The following LINGO3 variants were observed in gnomAD, a reference collection of about 807,000 sequenced individuals.
LINGO3 encodes the protein leucine rich repeat and Ig domain containing 3.
For synonymous variants in LINGO3, 427 were observed against 444.2 expected, an observed-to-expected ratio of 0.96 and a Z score of 0.49; for missense variants, 750 against 867.7, an observed-to-expected ratio of 0.86 and a Z score of 1.70.
At chr19:2,307,064 C>T in the LINGO3 span, among the ~76,000 whole-genome samples, 1 of 152,126 alleles carries the variant, frequency 6.6e-6, no homozygotes, top group African/African-American at 2.4e-5. Context: ...TCCTGGGTTG[C>T]TCTGGTTCTC....
the LINGO3 span, among the ~76,000 whole-genome samples, chr19:2,298,536 ATT>A: frequency 0.67 from 76,275 of 113,866 alleles, 25,774 homozygotes; most frequent in Non-Finnish European, 0.76. Context: ...TGGGCCAATA[ATT>A]TTTTTTTTTT....
chr19:2,290,967 C>T lies in LINGO3; in HGVS notation c.810G>A (p.Ala270=). Residue 270 remains alanine (A), a synonymous_variant, in exon 1 of 1, where the codon GCG becomes GCA. Transcript: ENST00000585527. This position sits in a 1 kb window ranked among gnomAD's most constrained non-coding sequence, Gnocchi z 6.0. ...GCGACAGATTGAGGCAGGTGAGGTG[C>T]GCCTGGTGCCGCAGCGCGGCGGCCG... 6.2e-7 allele frequency: 1 copy of T among 1,611,842 alleles called. No individual in the cohort carries two copies. The highest frequency in any genetic ancestry group is 8.5e-7 in the Non-Finnish European group (1 of 1,179,520).
downstream of LINGO3, among the ~76,000 whole-genome samples, chr19:2,288,607 G>A (rs1200513304): frequency 6.6e-6 from 1 of 152,202 alleles, no homozygotes; most frequent in African/African-American, 2.4e-5. This position sits in a 1 kb window ranked among gnomAD's most constrained non-coding sequence, Gnocchi z 6.5. Flanking sequence ...GGAAGCACGT[G>A]GCAGCGGAGG....
rs541131989 is a variant in LINGO3, at chr19:2,290,588, C to T, written c.1189G>A (p.Val397Met). 3 of 1,579,318 alleles carry T rather than the reference C, an allele frequency of 1.9e-6. No individual in the cohort carries two copies. The highest frequency in any genetic ancestry group is 1.8e-5 in the Admixed American group (1 of 56,338). ...CGGCACACGAAGTACTCGAACAGCA[C>T]GGAGTCCGGCAGGTTTCGCAGCGCG... Residue 397 changes from valine to methionine, a missense_variant, in exon 1 of 1, where the codon GTG (valine) becomes ATG (methionine). Coordinates refer to ENST00000585527, the Ensembl canonical transcript of LINGO3. This position sits in a 1 kb window ranked among gnomAD's most constrained non-coding sequence, Gnocchi z 6.0.
At chr19:2,295,965 C>T (rs544473670), upstream of LINGO3, among the ~76,000 whole-genome samples, 67 of 151,800 alleles carry the variant, frequency 4.4e-4, no homozygotes, top group African/African-American at 1.5e-3. Flanking sequence ...AGCTTGGGAA[C>T]ATAGGAAACT....
chr19:2,295,094 G>A (rs1026943968), upstream of LINGO3, among the ~76,000 whole-genome samples: 5 of 151,992 alleles, frequency 3.3e-5, no homozygotes, highest in East Asian at 7.7e-4. Context: ...GAACAGACGC[G>A]GAGCCCCGGG....
At chr19:2,294,159 A>C (rs1357289074), upstream of LINGO3, among the ~76,000 whole-genome samples, 1 of 152,202 alleles carries the variant, frequency 6.6e-6, no homozygotes, top group Non-Finnish European at 1.5e-5. The surrounding 1 kb of genome is among the most constrained non-coding windows in gnomAD (Gnocchi z 4.3). Context: ...ATGAGACTGC[A>C]GTGGATTACA....
chr19:2,303,503 G>C, the LINGO3 span, among the ~76,000 whole-genome samples: 26 of 152,076 alleles, frequency 1.7e-4, no homozygotes, highest in African/African-American at 5.8e-4. Flanking sequence ...CTGCGCTTGC[G>C]GGGGTGGGAG....
At chr19:2,305,000 C>T in the LINGO3 span, among the ~76,000 whole-genome samples, 1 of 152,286 alleles carries the variant, frequency 6.6e-6, no homozygotes, top group African/African-American at 2.4e-5. Context: ...TGAGCCACCA[C>T]ACCCAGCCTC....
chr19:2,291,352 A>G, exon 1 of LINGO3: 1 of 1,613,362 alleles, frequency 6.2e-7, no homozygotes, highest in Non-Finnish European at 8.5e-7. Flanking sequence ...AGTGTAGTCC[A>G]GCAGGATTAC....
chr19:2,302,650 C>A, the LINGO3 span, among the ~76,000 whole-genome samples: 2 of 152,218 alleles, frequency 1.3e-5, no homozygotes, highest in Admixed American at 1.3e-4. Flanking sequence ...GTGAGCTCTG[C>A]TGCCCGGTCT....
At chr19:2,293,822 G>A (rs1446118653), upstream of LINGO3, among the ~76,000 whole-genome samples, 2 of 151,806 alleles carry the variant, frequency 1.3e-5, no homozygotes, top group Non-Finnish European at 1.5e-5. Context: ...GGAGGCCGAG[G>A]TGGGTGGATC....
rs370823864 is a variant in LINGO3, at chr19:2,291,362, C to T, written c.415G>A (p.Val139Ile). Residue 139 changes from valine (V) to isoleucine (I), a missense_variant, in exon 1 of 1, where the codon GTA (valine) becomes ATA (isoleucine). Transcript: ENST00000585527. Reference sequence around the variant, plus strand: ...TGGAAAGTGTAGTCCAGCAGGATTACCAGCTTGTTCTCGCTCAGGTCCAGC... The same window carrying T: ...TGGAAAGTGTAGTCCAGCAGGATTATCAGCTTGTTCTCGCTCAGGTCCAGC... 4.3e-6 allele frequency: 7 copies of T among 1,613,310 alleles called. No individual in the cohort carries two copies. In the African/African-American group the frequency reaches 9.3e-5, roughly 22 times the overall value.
chr19:2,291,425 G>A, exon 1 of LINGO3: 1 of 1,613,368 alleles, frequency 6.2e-7, no homozygotes, highest in Non-Finnish European at 8.5e-7. Context: ...ACCCCGGGCG[G>A]GATGAGCTTC....
the LINGO3 span, among the ~76,000 whole-genome samples, chr19:2,299,794 G>A: frequency 8.1e-5 from 12 of 147,486 alleles, no homozygotes; most frequent in Non-Finnish European, 1.6e-4. Flanking sequence ...TGCGATCTCG[G>A]CTCACTGCAA....
the LINGO3 span, among the ~76,000 whole-genome samples, chr19:2,300,013 T>TCGC: frequency 1.4e-5 from 2 of 144,880 alleles, no homozygotes; most frequent in Admixed American, 7.1e-5. Context: ...GTGAACCACA[T>TCGC]GCCTGGCCTC....
Position 2,290,918 on chromosome 19 carries a change from G to A in LINGO3, c.859C>T (p.Arg287Trp), listed in dbSNP as rs777213974. The stretch of plus-strand genomic sequence containing the variant: ...CGGACCAGGTCCCGGAACGACCCCC[G>A]CGGCACCGTGCTGATGGGGTTGTGC... The change falls in exon 1 of 1, where the codon CGG becomes TGG. Residue 287 changes from arginine to tryptophan, a missense_variant. Coordinates refer to ENST00000585527, the Ensembl canonical transcript of LINGO3. The surrounding 1 kb of genome is among the most constrained non-coding windows in gnomAD (Gnocchi z 6.0). The A allele has an allele frequency of 9.3e-6, 15 of 1,611,734 alleles. No homozygotes were observed. The South Asian group carries it at 1.1e-4, about 12-fold the overall frequency.
upstream of LINGO3, among the ~76,000 whole-genome samples, chr19:2,296,473 C>CT: frequency 6.6e-6 from 1 of 152,026 alleles, no homozygotes; most frequent in Non-Finnish European, 1.5e-5. Context: ...GAGCGAGACT[C>CT]TGTCTTTTGG....
the LINGO3 span, among the ~76,000 whole-genome samples, chr19:2,305,173 G>A: frequency 3.3e-5 from 5 of 152,126 alleles, no homozygotes; most frequent in Non-Finnish European, 5.9e-5. Context: ...TCCCGGATCT[G>A]TGCACCTGCC....
Sources: allele counts gnomAD v4.1 joint callset (sites outside exome capture counted in the v4.1 genomes callset), GRCh38; gene constraint gnomAD v4.1.1; non-coding constraint Gnocchi (gnomAD v3.1); transcripts MANE v1.5; gene names NCBI Gene and HGNC (gene_info 2026-07-23, HGNC 2026-07-21).